MROH1: variants seen among roughly 807,000 people sequenced by gnomAD.
MROH1 encodes maestro heat-like repeat-containing protein family member 1.
MROH1 carries 117 observed loss-of-function variants against 116.5 expected under a neutral mutation model. The ratio of observed to expected loss-of-function variants is 1.00; its 90% CI spans 0.86 to 1.17. The LOEUF (loss-of-function observed/expected upper bound fraction) is 1.17, where lower values mean the gene tolerates loss of function less well. Among genes scored for constraint, MROH1 ranks in the 50% most tolerant of loss-of-function variants. MROH1 has a pLI of 0.00. For synonymous variants in MROH1, 921 were observed against 583.9 expected (o/e 1.58, Z -8.32); for missense variants, 1,873 against 1,338.5 (o/e 1.40, Z -6.23).
intron 14 of MROH1, among the ~76,000 whole-genome samples, chr8:144,232,474 G>GTTTATTTATTTA (rs782182419): frequency 1.1e-4 from 15 of 142,748 alleles, no homozygotes; most frequent in Non-Finnish European, 2.2e-4. Flanking sequence ...TTGTTTGTTT[G>GTTTATTTATTTA]TTTATTTATT....
At chr8:144,227,808 C>T (rs145032490) in intron 14 of MROH1, among the ~76,000 whole-genome samples, 41 of 152,156 alleles carry the variant, frequency 2.7e-4, no homozygotes, top group African/African-American at 9.2e-4. Context: ...AAAAAATTAG[C>T]TGGGCCTGAC....
chr8:144,179,505 G>C lies in MROH1; in HGVS notation c.219G>C (p.Leu73=). Residue 73 remains leucine (L), a synonymous_variant, in exon 5 of 44, where the codon CTG becomes CTC. Coordinates refer to ENST00000326134, the MANE Select transcript of MROH1 (RefSeq NM_032450.3). ...AAVLRAMERV[L]SSRASELDKD... is the part of the protein sequence containing the mutation. The stretch of plus-strand genomic sequence containing the variant: ...TCCTGAGGGCCATGGAGAGGGTCCT[G>C]AGCAGTCGCGCCAGTGAGCTGGACA... 5 of 1,613,630 alleles carry C rather than the reference G, an allele frequency of 3.1e-6. No individual in the cohort carries two copies. The highest frequency in any genetic ancestry group is 4.2e-6 in the Non-Finnish European group (5 of 1,179,836).
Position 144,238,801 on chromosome 8 carries a change from G to A in MROH1, c.1384G>A (p.Val462Met), listed in dbSNP as rs949537059. Residue 462 changes from valine (V) to methionine (M), a missense_variant, in exon 15 of 44, where the codon GTG (valine) becomes ATG (methionine). Coordinates refer to ENST00000326134, the MANE Select transcript of MROH1 (RefSeq NM_032450.3). ...CAGCAAGGACCCCAAGGCCGACAGC[G>A]TGCGGGCCATCAGCGTGCGCACCCT... Reference protein sequence around the residue: ...PGSKDPKADSVRAISVRTLYL... With the variant: ...PGSKDPKADSMRAISVRTLYL... 4.6e-4 allele frequency: 356 copies of A among 774,826 alleles called. 3 individuals carry two copies. The highest frequency in any genetic ancestry group is 4.2e-3 in the South Asian group (316 of 74,560). The allele number at this position is 774,826 out of a possible 1,614,324, so 48.0% of individuals were successfully genotyped here.
At chr8:144,186,540 G>C (rs548578642) in intron 7 of MROH1, among the ~76,000 whole-genome samples, 1 of 152,218 alleles carries the variant, frequency 6.6e-6, no homozygotes, top group African/African-American at 2.4e-5. Context: ...GATGGTTTCA[G>C]GTGCCTTTGC....
At chr8:144,234,896 T>TC (rs1330201065) in intron 14 of MROH1, among the ~76,000 whole-genome samples, 1 of 146,406 alleles carries the variant, frequency 6.8e-6, no homozygotes, top group African/African-American at 2.5e-5. Context: ...TCTTTCTTTT[T>TC]TTTTTTTTTT....
At chr8:144,209,449 G>A (rs921386681) in intron 12 of MROH1, among the ~76,000 whole-genome samples, 2 of 151,646 alleles carry the variant, frequency 1.3e-5, no homozygotes, top group African/African-American at 2.4e-5. Flanking sequence ...GCGTGGTGGC[G>A]GGCGCCTGTA....
At chr8:144,241,732 C>A (rs1217514848) in intron 22 of MROH1, among the ~76,000 whole-genome samples, 1 of 152,352 alleles carries the variant, frequency 6.6e-6, no homozygotes, top group South Asian at 2.1e-4. Flanking sequence ...TAGCTGTGGC[C>A]AGGGCCACGT....
chr8:144,229,653 C>A lies in MROH1; in HGVS notation c.1338+6423C>A, dbSNP rs370155717. On this transcript the variant is annotated intron_variant, in intron 14 of 43. Coordinates refer to ENST00000326134, the MANE Select transcript of MROH1 (RefSeq NM_032450.3). ...CGATCTGCCCACCTGGGTGACAGAG[C>A]AAGACTGTGTCTCAAACAAAAACAA... 8.3e-4 allele frequency among the ~76,000 whole-genome samples: 126 copies of A among 152,230 alleles called. 4 individuals are homozygous for A. In the South Asian group the frequency reaches 0.026, roughly 31 times the overall value.
In MROH1 at chr8:144,190,826, A is replaced by T; in HGVS notation, c.605A>T (p.Asn202Ile). The T allele has an allele frequency of 6.2e-7, 1 of 1,613,688 alleles. No individual in the cohort carries two copies. Among genetic ancestry groups the T allele is most frequent in the Non-Finnish European group, 8.5e-7 (1 of 1,179,864 alleles). The change falls in exon 8 of 44, where the codon AAC becomes ATC. Residue 202 changes from asparagine to isoleucine, a missense_variant. Transcript: ENST00000326134. ...GAGGGTGCCCTGGAGTACCTAGCCAACCTGGACCGAGCCCCAGACCCCACG... is the reference window on the plus strand; with the variant it reads ...GAGGGTGCCCTGGAGTACCTAGCCATCCTGGACCGAGCCCCAGACCCCACG... ...FSEGALEYLA[N>I]LDRAPDPTVR...
rs1041586726 is a variant in MROH1 at position 144,157,100 on chromosome 8, C to T, written c.-176-3870C>T. 6.6e-3 allele frequency among the ~76,000 whole-genome samples: 1,003 copies of T among 152,276 alleles called. 7 individuals are homozygous for T. The highest frequency in any genetic ancestry group is 0.023 in the African/African-American group (958 of 41,548). ...CCTCCTGAGTAGCCGGGATTACAGG[C>T]GTGCGCCACCACGTCCAGCTAATTT... On this transcript the variant is annotated intron_variant, in intron 1 of 43. Transcript: ENST00000326134.
At chr8:144,220,474 C>A in intron 12 of MROH1, 126 bp from the exon 13 acceptor site, 1 of 711,538 alleles carries the variant, frequency 1.4e-6, no homozygotes, top group Non-Finnish European at 2.3e-6. Context: ...AGTGGGTATG[C>A]TTTCCTTATG....
chr8:144,165,724 G>A (rs1041990995), intron 3 of MROH1, among the ~76,000 whole-genome samples: 1 of 151,032 alleles, frequency 6.6e-6, no homozygotes, highest in Non-Finnish European at 1.5e-5. Context: ...ACAGGTGCAT[G>A]CCACTACGCC....
Position 144,248,926 on chromosome 8 carries a change from C to A in MROH1, c.3170C>A (p.Thr1057Asn). 1.3e-6 allele frequency: 1 copy of A among 776,350 alleles called. No homozygotes were observed. Among genetic ancestry groups the A allele is most frequent in the East Asian group, 2.4e-5 (1 of 41,090 alleles). 48.1% of individuals were successfully genotyped at this position (776,350 alleles called of 1,614,324 possible). A position where few individuals can be genotyped will look rare whatever the true frequency, so the allele number is the denominator to read the frequency against. Residue 1057 changes from threonine (T) to asparagine (N), a missense_variant, in exon 32 of 44, where the codon ACC (threonine) becomes AAC (asparagine). Thr to Asn is a moderately conservative substitution (Grantham distance 65, BLOSUM62 0). Coordinates refer to ENST00000326134, the MANE Select transcript of MROH1 (RefSeq NM_032450.3). Reference protein sequence around the residue: ...PPDQLISLLLTMFEALGDPEK... With the variant: ...PPDQLISLLLNMFEALGDPEK... The stretch of plus-strand genomic sequence containing the variant: ...GACCAGCTCATCAGCCTCTTGCTAA[C>A]CATGTTTGAGGCCCTGGGAGACCCC...
intron 12 of MROH1, among the ~76,000 whole-genome samples, chr8:144,208,717 CTTTT>C (rs918624960): frequency 2.7e-5 from 4 of 149,442 alleles, no homozygotes; most frequent in African/African-American, 9.8e-5. Flanking sequence ...CAATATCACA[CTTTT>C]TTTTTTCTTT....
At chr8:144,197,371 C>CCTGCAG (rs1416100938) in intron 10 of MROH1, among the ~76,000 whole-genome samples, 1 of 142,574 alleles carries the variant, frequency 7.0e-6, no homozygotes, top group Admixed American at 7.2e-5. Context: ...TGGCTAGCTT[C>CCTGCAG]CTGCAGGGTG....
intron 25 of MROH1, 60 bp downstream of exon 25, chr8:144,243,676 G>C: frequency 2.6e-6 from 2 of 774,114 alleles, no homozygotes; most frequent in Non-Finnish European, 4.8e-6. Flanking sequence ...TGAGGCCAGA[G>C]GTGGGGACTG....
intron 12 of MROH1, among the ~76,000 whole-genome samples, chr8:144,219,437 C>T (rs1210232354): frequency 1.3e-5 from 2 of 152,182 alleles, no homozygotes; most frequent in East Asian, 3.8e-4. Context: ...GGTTTACAGC[C>T]ATGAGCCACC....
At chr8:144,254,100 G>A (rs983649874) in intron 33 of MROH1, among the ~76,000 whole-genome samples, 164 of 152,138 alleles carry the variant, frequency 1.1e-3, no homozygotes, top group African/African-American at 3.7e-3. Flanking sequence ...TCCATCTTCC[G>A]CGTCCCTTAT....
At chr8:144,215,872 CA>C (rs35093804) in intron 12 of MROH1, among the ~76,000 whole-genome samples, 59,896 of 124,796 alleles carry the variant, frequency 0.48, 12,769 homozygotes, top group Middle Eastern at 0.56. Context: ...GACTCTGTCG[CA>C]AAAAAAAAAA....
Sources: allele counts gnomAD v4.1 joint callset (sites outside exome capture counted in the v4.1 genomes callset), GRCh38; gene constraint gnomAD v4.1.1; transcripts MANE v1.5; gene names NCBI Gene and HGNC (gene_info 2026-07-23, HGNC 2026-07-21).